Variants in DAW1 observed in about 807,000 individuals in gnomAD.
DAW1 encodes dynein assembly factor with WD repeat domains 1.
A neutral mutation model predicts 56.5 loss-of-function variants in DAW1; 47 were observed. The observed-to-expected ratio is 0.83, with a 90% confidence interval of 0.66 to 1.06. The LOEUF (loss-of-function observed/expected upper bound fraction) is 1.06, where lower values mean the gene tolerates loss of function less well. Ranked by LOEUF, DAW1 falls within the 50% of genes least tolerant of loss-of-function variation. The pLI is 0.00. For missense variants in DAW1, 505 were observed against 499.3 expected, an observed-to-expected ratio of 1.01 and a Z score of -0.11; for synonymous variants, 190 against 179.0, an observed-to-expected ratio of 1.06 and a Z score of -0.49.
intron 6 of DAW1, among the ~76,000 whole-genome samples, chr2:227,899,765 A>T (rs530531577): frequency 3.3e-5 from 5 of 152,326 alleles, no homozygotes; most frequent in Non-Finnish European, 7.4e-5. Flanking sequence ...CCGATCTGCC[A>T]GCAGTGTTCA....
intron 7 of DAW1, among the ~76,000 whole-genome samples, chr2:227,903,763 C>T (rs2106204434): frequency 6.6e-6 from 1 of 151,164 alleles, no homozygotes; most frequent in South Asian, 2.1e-4. Context: ...TCAGCAGGAA[C>T]AGCCAGATGG....
At chr2:227,916,329 T>C (rs1691951787) in intron 10 of DAW1, among the ~76,000 whole-genome samples, 1 of 152,192 alleles carries the variant, frequency 6.6e-6, no homozygotes, top group Non-Finnish European at 1.5e-5. Flanking sequence ...CTGCAAGATA[T>C]CTGTGTTATC....
intron 1 of DAW1, among the ~76,000 whole-genome samples, chr2:227,882,032 G>C (rs558949278): frequency 6.6e-6 from 1 of 152,188 alleles, no homozygotes; most frequent in African/African-American, 2.4e-5. Flanking sequence ...GATTACAGGC[G>C]TGAGCCACTG....
At chr2:227,893,669 C>G in intron 4 of DAW1, 126 bp from the exon 5 acceptor site, 2 of 1,267,850 alleles carry the variant, frequency 1.6e-6, no homozygotes, top group Non-Finnish European at 2.1e-6. Context: ...GAGACTCCCT[C>G]TTAAACAAAC....
At chr2:227,921,346 T>A (rs1272226038) in intron 11 of DAW1, 53 bp from the exon 12 acceptor site, 47 of 1,040,478 alleles carry the variant, frequency 4.5e-5, no homozygotes, top group Non-Finnish European at 5.5e-5. Context: ...TGATAAGAAA[T>A]GTTTTGGGAA....
chr2:227,917,168 C>A (rs1032896327), intron 10 of DAW1, among the ~76,000 whole-genome samples: 3 of 151,882 alleles, frequency 2.0e-5, no homozygotes, highest in African/African-American at 7.3e-5. Flanking sequence ...GTCTGTCTGT[C>A]TGTCTGTCTG....
chr2:227,874,173 A>G (rs1339083284), intron 1 of DAW1, among the ~76,000 whole-genome samples: 2 of 152,124 alleles, frequency 1.3e-5, no homozygotes, highest in Non-Finnish European at 2.9e-5. Context: ...TGTGGAGTGT[A>G]GGTTAAGAAT....
chr2:227,923,831 A>T, intron 12 of DAW1, 103 bp from the exon 13 acceptor site: 2 of 1,390,210 alleles, frequency 1.4e-6, no homozygotes, highest in Non-Finnish European at 2.0e-6. Flanking sequence ...CCATTTAGCA[A>T]GTTGTTAATT....
intron 6 of DAW1, among the ~76,000 whole-genome samples, chr2:227,902,501 C>T (rs191961807): frequency 1.3e-5 from 2 of 152,126 alleles, no homozygotes; most frequent in African/African-American, 4.8e-5. Context: ...GAAGATAATA[C>T]TAAGGTCCAT....
intron 6 of DAW1, 23 bp from the exon 7 acceptor site, chr2:227,902,979 T>C: frequency 6.2e-6 from 10 of 1,607,842 alleles, no homozygotes; most frequent in Non-Finnish European, 8.5e-6. Flanking sequence ...TTCCTAAAAT[T>C]TCTCCCATTT....
In DAW1 at chr2:227,891,443, G is replaced by A. The variant is rs1212933616; in HGVS notation, c.317+130G>A. ...ATTTCAGTACTCCCTTGGATACTGA[G>A]GAGAAATATAAACCCTTTCTCCCAC... On this transcript the variant is annotated intron_variant, in intron 4 of 12. Transcript: ENST00000309931. 3 of 736,758 alleles carry A rather than the reference G, an allele frequency of 4.1e-6. No individual in the cohort carries two copies. In the African/African-American group the frequency reaches 5.4e-5, roughly 13 times the overall value. 45.6% of individuals were successfully genotyped at this position (736,758 alleles called of 1,614,324 possible). A position where few individuals can be genotyped will look rare whatever the true frequency, so the allele number is the denominator to read the frequency against.
At chr2:227,920,772 G>T (rs1692087421) in intron 11 of DAW1, among the ~76,000 whole-genome samples, 1 of 152,078 alleles carries the variant, frequency 6.6e-6, no homozygotes, top group Non-Finnish European at 1.5e-5. Flanking sequence ...CACCTCCCAG[G>T]TTTAAGCGAT....
intron 10 of DAW1, among the ~76,000 whole-genome samples, chr2:227,915,364 C>G (rs1691927742): frequency 6.6e-6 from 1 of 152,022 alleles, no homozygotes; most frequent in Non-Finnish European, 1.5e-5. Context: ...TGTGTGTCAT[C>G]AACTTAAGTA....
At chr2:227,914,775 A>C (rs192144488) in intron 10 of DAW1, among the ~76,000 whole-genome samples, 12 of 152,162 alleles carry the variant, frequency 7.9e-5, no homozygotes, top group African/African-American at 2.9e-4. Flanking sequence ...TTTCATCACC[A>C]TCTTGAAATT....
intron 11 of DAW1, among the ~76,000 whole-genome samples, chr2:227,919,205 A>AAAAG (rs1283018049): frequency 1.6e-5 from 1 of 61,318 alleles, no homozygotes; most frequent in African/African-American, 5.0e-5. Flanking sequence ...AGAAAAAAAA[A>AAAAG]AAAGAAAAAA....
intron 7 of DAW1, among the ~76,000 whole-genome samples, chr2:227,903,614 C>T (rs1691603373): frequency 6.6e-6 from 1 of 151,862 alleles, no homozygotes; most frequent in Non-Finnish European, 1.5e-5. Context: ...ACCATGTGCC[C>T]AGCACCTCCC....
intron 10 of DAW1, among the ~76,000 whole-genome samples, chr2:227,911,286 A>G (rs553466217): frequency 6.7e-6 from 1 of 148,376 alleles, no homozygotes; most frequent in Non-Finnish European, 1.5e-5. Context: ...ACGTGTATAT[A>G]TACATATATA....
intron 4 of DAW1, among the ~76,000 whole-genome samples, chr2:227,893,541 G>A (rs1691326983): frequency 6.6e-6 from 1 of 151,728 alleles, no homozygotes; most frequent in Non-Finnish European, 1.5e-5. Flanking sequence ...GCGTGGTGGT[G>A]GGTGCCTGTA....
At chr2:227,877,846 G>A (rs188675448) in intron 1 of DAW1, among the ~76,000 whole-genome samples, 301 of 152,340 alleles carry the variant, frequency 2.0e-3, no homozygotes, top group African/African-American at 6.9e-3. Context: ...GGGCCCTAAC[G>A]GCCACAGACT....
Sources: allele counts gnomAD v4.1 joint callset (sites outside exome capture counted in the v4.1 genomes callset), GRCh38; gene constraint gnomAD v4.1.1; transcripts MANE v1.5; gene names NCBI Gene and HGNC (gene_info 2026-07-23, HGNC 2026-07-21).